PIK3C2G: variants seen among roughly 807,000 people sequenced by gnomAD.
PIK3C2G encodes the protein phosphatidylinositol 3-kinase C2 domain-containing subunit gamma.
In PIK3C2G, 168 loss-of-function variants were observed where a neutral mutation model predicts 181.1. The observed-to-expected ratio is 0.93, with a 90% CI of 0.82 to 1.05. The LOEUF (loss-of-function observed/expected upper bound fraction) is 1.05, where lower values mean the gene tolerates loss of function less well. Ranked by LOEUF, PIK3C2G falls within the 50% of genes least tolerant of loss-of-function variation. The pLI is 0.00. For synonymous variants in PIK3C2G, 573 were observed against 592.2 expected (o/e 0.97, Z 0.47); for missense variants, 1,869 against 1,732.8 (o/e 1.08, Z -1.40).
the PIK3C2G span, among the ~76,000 whole-genome samples, chr12:18,704,690 C>T: frequency 2.6e-5 from 4 of 151,832 alleles, no homozygotes; most frequent in African/African-American, 4.8e-5. Context: ...TAGATGTGGA[C>T]GTGATTTTTC....
intron 18 of PIK3C2G, among the ~76,000 whole-genome samples, chr12:18,487,043 G>T (rs1940107864): frequency 6.7e-6 from 1 of 150,146 alleles, no homozygotes; most frequent in Admixed American, 6.7e-5. Flanking sequence ...AAAGAACCAA[G>T]TATCAATAGA....
chr12:18,646,732 C>G (rs1362807265), intron 32 of PIK3C2G, among the ~76,000 whole-genome samples: 1 of 152,082 alleles, frequency 6.6e-6, no homozygotes, highest in Admixed American at 6.6e-5. Flanking sequence ...TAAATGTGTT[C>G]TAAGACATTT....
chr12:18,289,014 T>G (rs1248333617), intron 3 of PIK3C2G, among the ~76,000 whole-genome samples: 3 of 151,840 alleles, frequency 2.0e-5, no homozygotes, highest in Admixed American at 2.0e-4. Context: ...AGCCATAAGT[T>G]ATATTCACAC....
At chr12:18,321,738 G>T (rs1951117854) in intron 7 of PIK3C2G, among the ~76,000 whole-genome samples, 1 of 152,126 alleles carries the variant, frequency 6.6e-6, no homozygotes, top group Admixed American at 6.5e-5. Context: ...ATAAAGAAAT[G>T]GCACATATAC....
rs1211386837 is a variant in PIK3C2G at position 18,648,361 on chromosome 12, AT to A, written c.*338del. 4.4e-6 allele frequency: 1 copy of A among 224,922 alleles called. No homozygotes were observed. The highest frequency in any genetic ancestry group is 8.8e-6 in the Non-Finnish European group (1 of 113,012). The allele number at this position is 224,922 out of a possible 1,614,324, so 13.9% of individuals were successfully genotyped here. A position where few individuals can be genotyped will look rare whatever the true frequency, so the allele number is the denominator to read the frequency against. ...TTGTGTGCCTACAGTTAAAAGCAGT[AT>A]TTTTAATGTATTTTATAAGAAAGAC... is the stretch of plus-strand genomic sequence containing the variant. On this transcript the variant is annotated 3_prime_UTR_variant, in exon 33 of 33. Coordinates refer to ENST00000538779, the MANE Select transcript of PIK3C2G (RefSeq NM_001288772.2).
At chr12:18,357,298 GGTGT>G (rs368517946) in intron 11 of PIK3C2G, among the ~76,000 whole-genome samples, 4 of 150,544 alleles carry the variant, frequency 2.7e-5, no homozygotes, top group Non-Finnish European at 4.4e-5. Flanking sequence ...AGGAGGTGTG[GGTGT>G]GTGTGTGTGT....
chr12:18,395,876 A>G (rs191234530), intron 15 of PIK3C2G, among the ~76,000 whole-genome samples: 5 of 151,328 alleles, frequency 3.3e-5, no homozygotes, highest in Admixed American at 3.3e-4. Context: ...TTAAGAGTAT[A>G]TTTAAAAACC....
chr12:18,423,117 G>T (rs1403114040), intron 17 of PIK3C2G, among the ~76,000 whole-genome samples: 1 of 150,870 alleles, frequency 6.6e-6, no homozygotes, highest in African/African-American at 2.4e-5. Context: ...GCCTGGCTTA[G>T]ACTCTGAAGC....
intron 29 of PIK3C2G, among the ~76,000 whole-genome samples, chr12:18,594,057 G>A (rs1174886054): frequency 6.6e-6 from 1 of 151,886 alleles, no homozygotes; most frequent in East Asian, 2.0e-4. Flanking sequence ...AGTACTCAGC[G>A]AGTATTCCTA....
intron 26 of PIK3C2G, among the ~76,000 whole-genome samples, chr12:18,548,095 G>T (rs114115833): frequency 0.011 from 1,722 of 152,082 alleles, 32 homozygotes; most frequent in African/African-American, 0.039. Flanking sequence ...TCCCATGCAG[G>T]TGGGTTTACG....
At chr12:18,692,705 G>T in the PIK3C2G span, 1 of 764,090 alleles carries the variant, frequency 1.3e-6, no homozygotes, top group South Asian at 1.6e-5. Flanking sequence ...ATCAAATACA[G>T]ACTTTGAATC....
At chr12:18,630,653 A>G (rs767490529) in intron 31 of PIK3C2G, among the ~76,000 whole-genome samples, 1 of 152,040 alleles carries the variant, frequency 6.6e-6, no homozygotes, top group Non-Finnish European at 1.5e-5. Flanking sequence ...GGAAGATGAC[A>G]TACATATCAA....
intron 30 of PIK3C2G, among the ~76,000 whole-genome samples, chr12:18,602,927 C>A (rs1230387317): frequency 2.0e-5 from 3 of 152,118 alleles, no homozygotes; most frequent in Non-Finnish European, 4.4e-5. Flanking sequence ...TGAGAAGGAA[C>A]CAGAAAACCA....
intron 24 of PIK3C2G, among the ~76,000 whole-genome samples, chr12:18,507,175 G>A (rs572436221): frequency 6.6e-6 from 1 of 151,970 alleles, no homozygotes; most frequent in South Asian, 2.1e-4. Context: ...GACTACAGGA[G>A]TGTGCCACCA....
chr12:18,673,692 TGTCTCTCACAAG>T, the PIK3C2G span, among the ~76,000 whole-genome samples: 4 of 152,224 alleles, frequency 2.6e-5, no homozygotes, highest in Non-Finnish European at 5.9e-5. Flanking sequence ...TCTGATTCAC[TGTCTCTCACAAG>T]GCTACAAAGG....
chr12:18,292,680 T>G (rs1190993661), intron 4 of PIK3C2G, among the ~76,000 whole-genome samples: 2 of 152,148 alleles, frequency 1.3e-5, no homozygotes, highest in African/African-American at 4.8e-5. Flanking sequence ...ACAAATGACT[T>G]TACCCTATAG....
At chr12:18,334,830 T>C (rs1228474520) in intron 8 of PIK3C2G, among the ~76,000 whole-genome samples, 1 of 152,126 alleles carries the variant, frequency 6.6e-6, no homozygotes, top group African/African-American at 2.4e-5. Context: ...ATTCCCCTCG[T>C]ACTCTGGTGT....
intron 3 of PIK3C2G, among the ~76,000 whole-genome samples, chr12:18,288,524 T>G (rs576748578): frequency 4.9e-4 from 75 of 152,290 alleles, no homozygotes; most frequent in African/African-American, 1.7e-3. Flanking sequence ...TTTAATTAAT[T>G]TCTTGCTCCA....
At chr12:18,714,749 T>G in the PIK3C2G span, 9 of 152,248 alleles carry the variant, frequency 5.9e-5, no homozygotes, top group African/African-American at 2.2e-4. Flanking sequence ...CTGCCACAAC[T>G]GGAGATAGGG....
Sources: allele counts gnomAD v4.1 joint callset (sites outside exome capture counted in the v4.1 genomes callset), GRCh38; gene constraint gnomAD v4.1.1; transcripts MANE v1.5; gene names NCBI Gene and HGNC (gene_info 2026-07-23, HGNC 2026-07-21).